The following ACSF2 variants were observed in gnomAD, a reference collection of about 807,000 sequenced individuals.
The protein encoded by ACSF2 is medium-chain acyl-CoA ligase ACSF2, mitochondrial.
In ACSF2, 52 loss-of-function variants were observed where a neutral mutation model predicts 79.3. The observed-to-expected ratio is 0.66, with a 90% CI of 0.53 to 0.83. ACSF2 has a LOEUF of 0.83. ACSF2 is among the 40% of genes least tolerant of loss of function. The pLI is 0.00. For missense variants in ACSF2, 661 were observed against 803.3 expected (o/e 0.82, Z 2.14); for synonymous variants, 283 against 312.6 (o/e 0.91, Z 1.00).
chr17:50,461,350 G>A lies in ACSF2; in HGVS notation c.433G>A (p.Ala145Thr), dbSNP rs375152672. 3.7e-5 allele frequency: 59 copies of A among 1,613,922 alleles called. No homozygotes were observed. The highest frequency in any genetic ancestry group is 1.3e-4 in the Admixed American group (8 of 59,992). ...YAWVLMQLAT[A>T]QAGIILVSVN... is the part of the protein sequence containing the mutation. ...ATGGGTGCTCATGCAGTTGGCCACCGCCCAGGCGGGCATCATTCTGGTGAG... is the reference window on the plus strand; with the variant it reads ...ATGGGTGCTCATGCAGTTGGCCACCACCCAGGCGGGCATCATTCTGGTGAG... Residue 145 changes from alanine to threonine, a missense_variant, in exon 3 of 16, where the codon GCC becomes ACC. Coordinates refer to ENST00000300441, the MANE Select transcript of ACSF2 (RefSeq NM_025149.6).
intron 1 of ACSF2, among the ~76,000 whole-genome samples, chr17:50,452,055 C>A (rs1191898576): frequency 6.6e-6 from 1 of 152,200 alleles, no homozygotes; most frequent in African/African-American, 2.4e-5. Flanking sequence ...CTTCTCTACT[C>A]AGATCTGGGC....
chr17:50,454,058 A>C (rs566991349), intron 1 of ACSF2, among the ~76,000 whole-genome samples: 4 of 152,158 alleles, frequency 2.6e-5, no homozygotes, highest in South Asian at 4.2e-4. Flanking sequence ...CCAGCTACAC[A>C]GGAGGCTGAG....
At chr17:50,432,579 T>C (rs2030022952) in intron 1 of ACSF2, among the ~76,000 whole-genome samples, 1 of 152,228 alleles carries the variant, frequency 6.6e-6, no homozygotes, top group Admixed American at 6.5e-5. Context: ...TTTCATCTTC[T>C]GGGTTGGCCT....
chr17:50,440,217 A>G (rs1219807038), intron 1 of ACSF2, among the ~76,000 whole-genome samples: 4 of 151,450 alleles, frequency 2.6e-5, no homozygotes, highest in Non-Finnish European at 4.4e-5. Context: ...ACTGGTGGCT[A>G]GCTAGTATGG....
chr17:50,455,428 A>G (rs2031932916), intron 1 of ACSF2, among the ~76,000 whole-genome samples: 1 of 152,096 alleles, frequency 6.6e-6, no homozygotes, highest in African/African-American at 2.4e-5. Flanking sequence ...GGAAGTAGAG[A>G]GAGTAAACAG....
intron 1 of ACSF2, among the ~76,000 whole-genome samples, chr17:50,445,794 C>T (rs894444844): frequency 7.2e-6 from 1 of 138,192 alleles, no homozygotes; most frequent in African/African-American, 2.9e-5. Context: ...GAGCAAGACC[C>T]CATCCTATCT....
At position 50,460,757 on chromosome 17, in the gene ACSF2, A is replaced by G; in HGVS notation, c.209A>G (p.Asn70Ser). The change falls in exon 2 of 16, where the codon AAC (asparagine) becomes AGC (serine). Residue 70 changes from asparagine (N) to serine (S), a missense_variant. Asn to Ser is a conservative substitution (Grantham distance 46). Transcript: ENST00000300441. ...YVQGCTKKHLNSKTVGQCLET... is the reference protein window; with the variant it reads ...YVQGCTKKHLSSKTVGQCLET... ...CAGGGGTGCACCAAAAAGCATCTTA[A>G]CAGCAAGACTGTGGGCCAGTGCCTG... The G allele has an allele frequency of 6.2e-7, 1 of 1,613,520 alleles. No homozygotes were observed. The highest frequency in any genetic ancestry group is 8.5e-7 in the Non-Finnish European group (1 of 1,179,758).
intron 1 of ACSF2, among the ~76,000 whole-genome samples, chr17:50,459,230 T>A (rs1368498272): frequency 6.6e-6 from 1 of 152,144 alleles, no homozygotes; most frequent in Non-Finnish European, 1.5e-5. Context: ...ACTTGCCAGG[T>A]CCCACTGGGT....
intron 1 of ACSF2, among the ~76,000 whole-genome samples, chr17:50,430,498 T>C (rs568746309): frequency 1.2e-3 from 176 of 152,202 alleles, no homozygotes; most frequent in African/African-American, 3.6e-3. Flanking sequence ...AAACCCTGTC[T>C]CTACTAAAAA....
chr17:50,473,358 T>G, intron 12 of ACSF2: 2 of 332,240 alleles, frequency 6.0e-6, no homozygotes, highest in Admixed American at 4.1e-5. Context: ...TTCCCTTAGA[T>G]TGAGTGGACA....
In ACSF2 at chr17:50,461,791, C is replaced by T. The variant is rs533682426; in HGVS notation, c.507+105C>T. 379 of 1,389,910 alleles carry T rather than the reference C, an allele frequency of 2.7e-4. 4 individuals are homozygous for T. The South Asian group carries it at 3.5e-3, about 13-fold the overall frequency. 86.1% of individuals were successfully genotyped at this position (1,389,910 alleles called of 1,614,324 possible). The stretch of plus-strand genomic sequence containing the variant: ...CGGTGTGAGCTAGGGCATGCATAGG[C>T]GGGTGATACGCAGAGTGTCCTTCCT... On this transcript the variant is annotated intron_variant, in intron 4 of 15. Transcript: ENST00000300441.
intron 1 of ACSF2, among the ~76,000 whole-genome samples, chr17:50,436,154 G>A (rs1170330144): frequency 6.6e-6 from 1 of 151,844 alleles, no homozygotes; most frequent in African/African-American, 2.4e-5. Context: ...TTTCGAGACG[G>A]AGTCTCGCTC....
In ACSF2 at chr17:50,463,842, C is replaced by A. The variant is rs753090663; in HGVS notation, c.1071C>A (p.Pro357=). ...GAGGCACCTTCCTGTATGGTACCCC[C>A]ACGATGTTCGTGGACATTCTGAACC... ...RERGTFLYGT[P]TMFVDILNQP... The change falls in exon 9 of 16, where the codon CCC becomes CCA. Residue 357 remains proline (P), a synonymous_variant. Transcript: ENST00000300441. The surrounding 1 kb of genome is among the most constrained non-coding windows in gnomAD (Gnocchi z 4.6). 2.5e-6 allele frequency: 4 copies of A among 1,614,156 alleles called. No homozygotes were observed. Among genetic ancestry groups the A allele is most frequent in the Admixed American group, 3.3e-5 (2 of 60,022 alleles).
chr17:50,468,252 G>A, intron 10 of ACSF2: 1 of 1,611,662 alleles, frequency 6.2e-7, no homozygotes, highest in Non-Finnish European at 8.5e-7. Context: ...AGGGCCCCGG[G>A]CTGCAGGGAG....
intron 6 of ACSF2, 65 bp downstream of exon 6, chr17:50,462,650 C>T (rs2032421737): frequency 5.8e-6 from 9 of 1,559,774 alleles, no homozygotes; most frequent in Admixed American, 1.7e-5. Flanking sequence ...TGTGACACTT[C>T]CGCGGGGATG....
chr17:50,426,448 A>G, intron 1 of ACSF2, 59 bp downstream of exon 1: 2 of 1,271,964 alleles, frequency 1.6e-6, no homozygotes, highest in South Asian at 3.0e-5. Context: ...AGGAACTTGG[A>G]GGTCCCGGCG....
chr17:50,435,806 T>G (rs1371804539), intron 1 of ACSF2, among the ~76,000 whole-genome samples: 1 of 151,858 alleles, frequency 6.6e-6, no homozygotes, highest in East Asian at 1.9e-4. Flanking sequence ...TTTTTTTAGA[T>G]GGGATCTCAT....
At chr17:50,438,567 C>A (rs1308580449) in intron 1 of ACSF2, among the ~76,000 whole-genome samples, 1 of 151,820 alleles carries the variant, frequency 6.6e-6, no homozygotes, top group Non-Finnish European at 1.5e-5. Context: ...AAATATTTTT[C>A]TTTTTCTTTT....
chr17:50,458,671 G>C (rs2032159317), intron 1 of ACSF2, among the ~76,000 whole-genome samples: 1 of 152,130 alleles, frequency 6.6e-6, no homozygotes, highest in Non-Finnish European at 1.5e-5. Flanking sequence ...ATTTGGCTTT[G>C]TTCATTTTTT....
Sources: gnomAD v4.1 joint callset for allele counts (sites outside exome capture counted in the v4.1 genomes callset) on GRCh38, gnomAD v4.1.1 for gene constraint, Gnocchi (gnomAD v3.1) non-coding constraint, MANE v1.5 for transcripts, NCBI Gene and HGNC (gene_info 2026-07-23, HGNC 2026-07-21) for gene names.